The following ANK3 variants were observed in gnomAD, a reference collection of about 807,000 sequenced individuals.
The protein encoded by ANK3 is ankyrin-3.
In ANK3, 57 loss-of-function variants were observed where a neutral mutation model predicts 370.9. The ratio of observed to expected loss-of-function variants is 0.15; its 90% CI spans 0.12 to 0.19. The LOEUF (loss-of-function observed/expected upper bound fraction) is 0.19. ANK3 is among the 10% of genes least tolerant of loss of function. The pLI, the probability that ANK3 is intolerant of heterozygous loss-of-function variation, is 1.00. For synonymous variants in ANK3, 1,929 were observed against 1,946.3 expected (o/e 0.99, Z 0.23); for missense variants, 4,439 against 5,302.1 (o/e 0.84, Z 5.06).
At chr10:60,680,137 G>GAAAAA (rs10641945) in intron 1 of ANK3, among the ~76,000 whole-genome samples, 5 of 128,396 alleles carry the variant, frequency 3.9e-5, no homozygotes, top group African/African-American at 1.5e-4. Flanking sequence ...TCTGTCTCGG[G>GAAAAA]AAAAAAAAAA....
chr10:60,265,842 A>G (rs939639149), intron 5 of ANK3, among the ~76,000 whole-genome samples: 1 of 152,174 alleles, frequency 6.6e-6, no homozygotes, highest in Non-Finnish European at 1.5e-5. Context: ...CTTAAGGGAC[A>G]TTATTGCTCA....
chr10:60,713,272 T>C (rs2079735911), intron 1 of ANK3, among the ~76,000 whole-genome samples: 2 of 151,838 alleles, frequency 1.3e-5, no homozygotes, highest in African/African-American at 4.8e-5. Flanking sequence ...CACACCACAA[T>C]GAAATTAAGC....
intron 2 of ANK3, among the ~76,000 whole-genome samples, chr10:60,566,510 T>C (rs2077465421): frequency 6.6e-6 from 1 of 152,146 alleles, no homozygotes; most frequent in Non-Finnish European, 1.5e-5. Flanking sequence ...AGTGAACACA[T>C]GAATGATAAG....
At chr10:60,726,465 C>T (rs1212062649) in intron 1 of ANK3, among the ~76,000 whole-genome samples, 1 of 152,102 alleles carries the variant, frequency 6.6e-6, no homozygotes, top group Non-Finnish European at 1.5e-5. Context: ...TCATCATGTA[C>T]CAAGTGCTCT....
Position 60,071,369 on chromosome 10 carries a change from G to A in ANK3, c.9512C>T (p.Thr3171Ile). ...ATAACTCACTTCCTCTGAACTGGGT[G>A]TTTCTGGGGTTAAAGGGCTTTTCCC... ...SSGKSPLTPE[T>I]PSSEEVSYEF... Residue 3171 changes from threonine (T) to isoleucine (I), a missense_variant, in exon 37 of 44, where the codon ACA becomes ATA. Physicochemically the swap from Thr to Ile is moderately conservative, Grantham distance 89. Coordinates refer to ENST00000280772, the MANE Select transcript of ANK3 (RefSeq NM_020987.5). 1.9e-6 allele frequency: 3 copies of A among 1,614,086 alleles called. No homozygotes were observed. The highest frequency in any genetic ancestry group is 2.5e-6 in the Non-Finnish European group (3 of 1,180,000).
rs1202190634 is a variant in ANK3 at position 60,468,999 on chromosome 10, A to G, written c.96+146187T>C. ...TATATATATACCACTTTTAGTGTGTATATATATATATATATATATACCACT... is the reference window on the plus strand; with the variant it reads ...TATATATATACCACTTTTAGTGTGTGTATATATATATATATATATACCACT... On this transcript the variant is annotated intron_variant, in intron 2 of 43. Transcript: ENST00000373827. Among the ~76,000 whole-genome samples the G allele has an allele frequency of 2.5e-3, 55 of 21,954 alleles. 1 individual carries two copies. Among genetic ancestry groups the G allele is most frequent in the East Asian group, 0.013 (5 of 382 alleles). 14.4% of individuals were successfully genotyped at this position (21,954 alleles called of 152,430 possible).
chr10:60,657,498 A>G (rs1030509043), intron 1 of ANK3, among the ~76,000 whole-genome samples: 1 of 152,150 alleles, frequency 6.6e-6, no homozygotes, highest in Non-Finnish European at 1.5e-5. Context: ...TAGAAGAAAG[A>G]TATTTAATTT....
intron 11 of ANK3, among the ~76,000 whole-genome samples, chr10:60,205,430 T>C (rs10732408): frequency 0.73 from 110,703 of 152,090 alleles, 40,362 homozygotes; most frequent in East Asian, 0.86. Flanking sequence ...GTTGTGACAA[T>C]TAAAAGTACC....
rs1564476180 is a variant in ANK3, at chr10:60,027,840, T to TAA, written c.*2004_*2005dup. ...AATTCACAGTCAGGTTGTACAAATA[T>TAA]AAGAAATGAGGCTGTGGCAGTGATA... is the stretch of plus-strand genomic sequence containing the variant. On this transcript the variant is annotated 3_prime_UTR_variant, in exon 44 of 44. Coordinates refer to ENST00000280772, the MANE Select transcript of ANK3 (RefSeq NM_020987.5). The TAA allele has an allele frequency of 1.3e-5, 2 of 152,138 alleles. No homozygotes were observed. Among genetic ancestry groups the TAA allele is most frequent in the Non-Finnish European group, 2.9e-5 (2 of 68,036 alleles). 9.4% of individuals were successfully genotyped at this position (152,138 alleles called of 1,614,324 possible).
At chr10:60,037,147 A>C (rs774972055) in intron 43 of ANK3, among the ~76,000 whole-genome samples, 4 of 152,164 alleles carry the variant, frequency 2.6e-5, no homozygotes, top group Non-Finnish European at 4.4e-5. Context: ...TCCCAGCTGA[A>C]GCCACCATTA....
At chr10:60,615,220 C>A in exon 2 of ANK3, 2 of 1,514,772 alleles carry the variant, frequency 1.3e-6, no homozygotes, top group Non-Finnish European at 1.8e-6. Context: ...TGATCCAAAG[C>A]CACCCTAAAA....
At chr10:60,146,325 G>A (rs558606824) in intron 23 of ANK3, among the ~76,000 whole-genome samples, 1 of 152,248 alleles carries the variant, frequency 6.6e-6, no homozygotes, top group African/African-American at 2.4e-5. Context: ...GTAGTTTCAG[G>A]GGTACGTGTG....
intron 2 of ANK3, among the ~76,000 whole-genome samples, chr10:60,474,220 C>T (rs1567072354): frequency 2.0e-5 from 3 of 151,974 alleles, no homozygotes; most frequent in Admixed American, 2.0e-4. Flanking sequence ...AATCCACTAT[C>T]CTTCAGCAGT....
intron 2 of ANK3, among the ~76,000 whole-genome samples, chr10:60,586,041 C>T (rs942040922): frequency 2.2e-5 from 3 of 135,504 alleles, no homozygotes; most frequent in African/African-American, 5.2e-5. Context: ...AAAACAAAAA[C>T]AAACAAACAA....
chr10:60,703,899 G>A (rs1027704081), intron 1 of ANK3, among the ~76,000 whole-genome samples: 7 of 152,076 alleles, frequency 4.6e-5, no homozygotes, highest in South Asian at 2.1e-4. Context: ...GTGCAGAACC[G>A]TCTCCTTGAA....
At chr10:60,492,157 G>A (rs1044135697) in intron 2 of ANK3, among the ~76,000 whole-genome samples, 2 of 152,118 alleles carry the variant, frequency 1.3e-5, no homozygotes, top group Non-Finnish European at 1.5e-5. Context: ...TGTGCAGTAG[G>A]CTATACCATC....
chr10:60,507,854 A>G (rs1042006198), intron 2 of ANK3: 1 of 152,098 alleles, frequency 6.6e-6, no homozygotes, highest in Non-Finnish European at 1.5e-5. Context: ...TATTTTTCCA[A>G]TAGTAAGTTG....
In ANK3 at chr10:60,389,590, G is replaced by A. The variant is rs1566987641; in HGVS notation, c.-52C>T. 3.1e-6 allele frequency: 5 copies of A among 1,604,892 alleles called. No homozygotes were observed. Among genetic ancestry groups the A allele is most frequent in the Admixed American group, 3.4e-5 (2 of 58,228 alleles). ...CACACACGGCTTCCTTGTAAAAGGT[G>A]ATATCCTCAGGCACCTCTAATCAGG... is the stretch of plus-strand genomic sequence containing the variant. On this transcript the variant is annotated 5_prime_UTR_variant, in exon 1 of 44. Coordinates refer to ENST00000280772, the MANE Select transcript of ANK3 (RefSeq NM_020987.5).
intron 7 of ANK3, among the ~76,000 whole-genome samples, chr10:60,244,933 G>A (rs541234251): frequency 6.6e-6 from 1 of 152,348 alleles, no homozygotes; most frequent in African/African-American, 2.4e-5. Flanking sequence ...ACTTTGGGAG[G>A]CCGAGGCGGG....
Sources: gnomAD v4.1 joint callset for allele counts (sites outside exome capture counted in the v4.1 genomes callset) on GRCh38, gnomAD v4.1.1 for gene constraint, MANE v1.5 for transcripts, NCBI Gene and HGNC (gene_info 2026-07-23, HGNC 2026-07-21) for gene names.